Variants in CEMIP observed in about 807,000 individuals in gnomAD.
CEMIP encodes the protein cell migration-inducing and hyaluronan-binding protein.
Under a neutral mutation model 156.9 loss-of-function variants are expected in CEMIP, and 105 were observed. That is an observed-to-expected ratio of 0.67 (90% CI 0.57 to 0.79). CEMIP has a LOEUF of 0.79. Among genes scored for constraint, CEMIP ranks in the 30% least tolerant of loss-of-function variants. The pLI, the probability that CEMIP is intolerant of heterozygous loss-of-function variation, is 0.00. For synonymous variants in CEMIP, 676 were observed against 668.4 expected (o/e 1.01, Z -0.17); for missense variants, 1,457 against 1,769.4 (o/e 0.82, Z 3.17).
intron 1 of CEMIP, among the ~76,000 whole-genome samples, chr15:80,815,394 T>G (rs560501870): frequency 1.6e-4 from 25 of 152,380 alleles, no homozygotes; most frequent in Non-Finnish European, 3.2e-4. Flanking sequence ...CTTGAATTCT[T>G]TGGTCATGAA....
At chr15:80,874,532 C>T (rs188302319) in intron 3 of CEMIP, among the ~76,000 whole-genome samples, 199 of 152,218 alleles carry the variant, frequency 1.3e-3, no homozygotes, top group African/African-American at 4.6e-3. Flanking sequence ...TCTGTCTGGA[C>T]CACCTGGTCT....
intron 1 of CEMIP, among the ~76,000 whole-genome samples, chr15:80,829,877 T>A (rs1897116035): frequency 6.6e-6 from 1 of 152,156 alleles, no homozygotes; most frequent in Admixed American, 6.5e-5. Context: ...TCCCCAAATC[T>A]TACTGTGCAA....
intron 28 of CEMIP, among the ~76,000 whole-genome samples, chr15:80,945,234 C>T (rs1283262739): frequency 6.6e-6 from 1 of 152,164 alleles, no homozygotes; most frequent in Non-Finnish European, 1.5e-5. Flanking sequence ...GGATGGCACA[C>T]CAGGCAAAGA....
In CEMIP at chr15:80,871,169, T is replaced by G. The variant is rs186548120; in HGVS notation, c.-175-2369T>G. ...AGGAAATTTGGGAATCTTTTAGGAT[T>G]CACTTCAATGGAATGTTTCTTGGGA... is the stretch of plus-strand genomic sequence containing the variant. On this transcript the variant is annotated intron_variant, in intron 1 of 29. Coordinates refer to ENST00000394685, the MANE Select transcript of CEMIP (RefSeq NM_001293298.2). Among the ~76,000 whole-genome samples, 52 of 152,320 alleles carry G rather than the reference T, an allele frequency of 3.4e-4. 2 individuals carry two copies. Among genetic ancestry groups the G allele is most frequent in the Admixed American group, 3.1e-3 (47 of 15,310 alleles).
At chr15:80,909,025 A>AAT in intron 13 of CEMIP, 72 bp from the exon 14 acceptor site, 1 of 1,411,414 alleles carries the variant, frequency 7.1e-7, no homozygotes, top group East Asian at 2.3e-5. Flanking sequence ...GCATCTTTGG[A>AAT]ATATGGGCAC....
chr15:80,895,256 G>A (rs1567087704), intron 11 of CEMIP, 134 bp downstream of exon 11: 1 of 1,206,704 alleles, frequency 8.3e-7, no homozygotes, highest in Non-Finnish European at 1.2e-6. Flanking sequence ...CACGGGAGCA[G>A]TGGGAGGATC....
intron 12 of CEMIP, chr15:80,897,337 A>G (rs1899273010): frequency 8.8e-6 from 4 of 455,914 alleles, no homozygotes; most frequent in Non-Finnish European, 4.4e-6. Context: ...CTTGTGGAAG[A>G]ATCTGTGGAG....
rs532227421 is a variant in CEMIP, at chr15:80,886,446, G to A, written c.798-1248G>A. ...AAATCCCCAACCTCAGTTAAACACC[G>A]TTCAATAGTGATTCATTTTCCAAGA... On this transcript the variant is annotated intron_variant, in intron 7 of 29. Coordinates refer to ENST00000394685, the MANE Select transcript of CEMIP (RefSeq NM_001293298.2). Among the ~76,000 whole-genome samples, 149 of 152,242 alleles carry A rather than the reference G, an allele frequency of 9.8e-4. No individual in the cohort carries two copies. The Middle Eastern group carries it at 0.02, about 21-fold the overall frequency.
chr15:80,797,136 G>A (rs1014330536), intron 1 of CEMIP, among the ~76,000 whole-genome samples: 4 of 152,166 alleles, frequency 2.6e-5, no homozygotes, highest in Admixed American at 6.5e-5. Flanking sequence ...CCAGTTTGAC[G>A]AACCTGGCCA....
chr15:80,793,162 T>C (rs537785133), intron 1 of CEMIP, among the ~76,000 whole-genome samples: 1 of 152,284 alleles, frequency 6.6e-6, no homozygotes, highest in Non-Finnish European at 1.5e-5. Context: ...TGGCAGCAGG[T>C]TGGTGCAATA....
At chr15:80,872,972 G>A (rs1416053462) in intron 1 of CEMIP, among the ~76,000 whole-genome samples, 1 of 152,126 alleles carries the variant, frequency 6.6e-6, no homozygotes, top group African/African-American at 2.4e-5. Flanking sequence ...CCTACTATAT[G>A]GCCCAAGATA....
At position 80,941,843 on chromosome 15, in the gene CEMIP, G is replaced by A. The variant is rs1901348287; in HGVS notation, c.3408-6G>A. 3 of 1,613,002 alleles carry A rather than the reference G, an allele frequency of 1.9e-6. No individual in the cohort carries two copies. Among genetic ancestry groups the A allele is most frequent in the Non-Finnish European group, 1.7e-6 (2 of 1,179,814 alleles). ...GCAAATGCCCAGCAATGCTCCTTGT[G>A]TGCAGGCTGTTGTTCCTGAAGCTGA... On this transcript the variant is annotated splice_polypyrimidine_tract_variant and splice_region_variant and intron_variant, in intron 25 of 29. Coordinates refer to ENST00000394685, the MANE Select transcript of CEMIP (RefSeq NM_001293298.2).
intron 28 of CEMIP, chr15:80,946,485 T>C (rs958178008): frequency 1.2e-5 from 2 of 173,716 alleles, no homozygotes; most frequent in African/African-American, 4.7e-5. Context: ...GGTTTTATGA[T>C]TTGACAGATG....
chr15:80,837,994 A>T (rs1291391721), intron 1 of CEMIP, among the ~76,000 whole-genome samples: 1 of 152,010 alleles, frequency 6.6e-6, no homozygotes, highest in Non-Finnish European at 1.5e-5. Flanking sequence ...CTACCAATGC[A>T]TTTCCCACTC....
At chr15:80,904,791 C>T (rs559271118) in intron 12 of CEMIP, among the ~76,000 whole-genome samples, 21 of 152,244 alleles carry the variant, frequency 1.4e-4, no homozygotes, top group African/African-American at 5.1e-4. Flanking sequence ...GATTTATCCC[C>T]GTTAGATTCA....
chr15:80,940,013 A>T (rs1901279766), intron 25 of CEMIP, among the ~76,000 whole-genome samples: 1 of 152,238 alleles, frequency 6.6e-6, no homozygotes, highest in Admixed American at 6.5e-5. Flanking sequence ...CTGTTAAGTG[A>T]TTGTAGCTGT....
Position 80,884,222 on chromosome 15 carries a change from A to G in CEMIP, c.665A>G (p.Tyr222Cys). 1 of 1,614,226 alleles carries G rather than the reference A, an allele frequency of 6.2e-7. No individual in the cohort carries two copies. The highest frequency in any genetic ancestry group is 8.5e-7 in the Non-Finnish European group (1 of 1,180,036). The change falls in exon 7 of 30, where the codon TAT becomes TGT. Residue 222 changes from tyrosine to cysteine, a missense_variant. Tyr to Cys is a radical substitution (Grantham distance 194). Transcript: ENST00000394685. Reference sequence around the variant, plus strand: ...AAAGAGAGTGAACGTCTGGTCCAGTATTTGAACGCGGTGCCCGATGGCAGG... The same window carrying G: ...AAAGAGAGTGAACGTCTGGTCCAGTGTTTGAACGCGGTGCCCGATGGCAGG... ...SKKESERLVQ[Y>C]LNAVPDGRIL...
At chr15:80,795,620 T>TAA (rs1170568545) in intron 1 of CEMIP, among the ~76,000 whole-genome samples, 1 of 152,182 alleles carries the variant, frequency 6.6e-6, no homozygotes, top group Non-Finnish European at 1.5e-5. Flanking sequence ...ACCTTGCATC[T>TAA]TTTCAACAGG....
At chr15:80,876,378 T>C (rs1898478328) in intron 3 of CEMIP, among the ~76,000 whole-genome samples, 1 of 152,246 alleles carries the variant, frequency 6.6e-6, no homozygotes, top group African/African-American at 2.4e-5. Context: ...CTGGCGACTC[T>C]GCTCTTACGT....
Sources: allele counts gnomAD v4.1 joint callset (sites outside exome capture counted in the v4.1 genomes callset), GRCh38; gene constraint gnomAD v4.1.1; transcripts MANE v1.5; gene names NCBI Gene and HGNC (gene_info 2026-07-23, HGNC 2026-07-21).